The following DGKH variants were observed in gnomAD, a reference collection of about 807,000 sequenced individuals.
DGKH encodes DAG kinase eta.
In DGKH, 90 loss-of-function variants were observed where a neutral mutation model predicts 159.3. The ratio of observed to expected loss-of-function variants is 0.57; its 90% CI spans 0.48 to 0.67. The LOEUF is 0.67. Ranked by LOEUF, DGKH falls within the 30% of genes least tolerant of loss-of-function variation. DGKH has a pLI of 0.00. For synonymous variants in DGKH, 536 were observed against 553.8 expected, an observed-to-expected ratio of 0.97 and a Z score of 0.45; for missense variants, 1,181 against 1,506.1, an observed-to-expected ratio of 0.78 and a Z score of 3.57.
At position 42,190,428 on chromosome 13, in the gene DGKH, C is replaced by T. The variant is rs7324235; in HGVS notation, c.1938C>T (p.Pro646=). ...TTATGGATGACCCGACAGTTCACCC[C>T]TGTGAACCAGCTAATCAGTCCTCTG... The part of the protein sequence containing the change: ...GKVMDDPTVH[P]CEPANQSSDY... Residue 646 remains proline, a synonymous_variant, in exon 16 of 30, where the codon CCC becomes CCT. Coordinates refer to ENST00000337343, the MANE Select transcript of DGKH (RefSeq NM_178009.5). 2.5e-6 allele frequency: 4 copies of T among 1,608,968 alleles called. No homozygotes were observed. The highest frequency in any genetic ancestry group is 1.3e-5 in the African/African-American group (1 of 74,690).
intron 1 of DGKH, among the ~76,000 whole-genome samples, chr13:42,110,665 T>A (rs899028054): frequency 1.3e-4 from 19 of 151,958 alleles, no homozygotes; most frequent in Non-Finnish European, 1.2e-4. Context: ...CATTTACCAG[T>A]TACGGGAAGG....
chr13:42,040,833 G>A (rs551930235), intron 1 of DGKH, among the ~76,000 whole-genome samples: 35 of 146,766 alleles, frequency 2.4e-4, no homozygotes, highest in African/African-American at 8.3e-4. Context: ...CGGCGGCGGC[G>A]GGGACCCGGG....
rs189779766 is a variant in DGKH at position 42,233,613 on chromosome 13, C to G, written c.*4425C>G. The G allele has an allele frequency of 6.6e-6, 1 of 152,320 alleles. No individual in the cohort carries two copies. Among genetic ancestry groups the G allele is most frequent in the East Asian group, 1.9e-4 (1 of 5,188 alleles). 9.4% of individuals were successfully genotyped at this position (152,320 alleles called of 1,614,324 possible). A position where few individuals can be genotyped will look rare whatever the true frequency, so the allele number is the denominator to read the frequency against. The stretch of plus-strand genomic sequence containing the variant: ...ATTCCTAATTCTGGTTCTAGATGAG[C>G]CCTACCTACCCAGTGGTTGTATTTT... On this transcript the variant is annotated 3_prime_UTR_variant, in exon 30 of 30. Coordinates refer to ENST00000337343, the MANE Select transcript of DGKH (RefSeq NM_178009.5).
Position 42,176,101 on chromosome 13 carries a change from G to C in DGKH, c.1452+1957G>C, listed in dbSNP as rs147709893. Among the ~76,000 whole-genome samples the C allele has an allele frequency of 2.5e-3, 383 of 152,196 alleles. 2 individuals carry two copies. Among genetic ancestry groups the C allele is most frequent in the South Asian group, 0.011 (54 of 4,812 alleles). On this transcript the variant is annotated intron_variant, in intron 12 of 29. Coordinates refer to ENST00000337343, the MANE Select transcript of DGKH (RefSeq NM_178009.5). ...CTATAATTTTATCTTTGAACATAGA[G>C]GCTATTTTATTTTCCTCTGAGAGAA...
At chr13:42,244,783 A>G (rs1017500496), downstream of DGKH, among the ~76,000 whole-genome samples, 3 of 150,382 alleles carry the variant, frequency 2.0e-5, no homozygotes, top group South Asian at 4.2e-4. Context: ...GGGCGCCTGT[A>G]GTCCCAGCTA....
chr13:42,105,492 AT>A (rs142662195), intron 1 of DGKH, among the ~76,000 whole-genome samples: 2 of 152,060 alleles, frequency 1.3e-5, no homozygotes, highest in Non-Finnish European at 1.5e-5. Flanking sequence ...TGTATGTTTG[AT>A]TTTTTTTAAA....
chr13:42,072,606 C>T (rs1883043537), intron 1 of DGKH, among the ~76,000 whole-genome samples: 1 of 152,082 alleles, frequency 6.6e-6, no homozygotes, highest in African/African-American at 2.4e-5. Flanking sequence ...CAGTGGCTTC[C>T]CATTAGCTCT....
In DGKH at chr13:42,232,323, C is replaced by G. The variant is rs1333555605; in HGVS notation, c.*3135C>G. The G allele has an allele frequency of 6.6e-6, 1 of 152,252 alleles. No individual in the cohort carries two copies. Among genetic ancestry groups the G allele is most frequent in the Non-Finnish European group, 1.5e-5 (1 of 68,090 alleles). The allele number at this position is 152,252 out of a possible 1,614,324, so 9.4% of individuals were successfully genotyped here. A position where few individuals can be genotyped will look rare whatever the true frequency, so the allele number is the denominator to read the frequency against. ...TGGTGGGAGGGCAGGGAAGGGGAGG[C>G]CATCAGCCAGAATGTATTTTCTTTC... On this transcript the variant is annotated 3_prime_UTR_variant, in exon 30 of 30. Transcript: ENST00000337343.
Position 42,166,686 on chromosome 13 carries a change from T to C in DGKH, c.1118+12T>C. The C allele has an allele frequency of 1.3e-6, 2 of 1,561,202 alleles. No homozygotes were observed. Among genetic ancestry groups the C allele is most frequent in the Non-Finnish European group, 8.6e-7 (1 of 1,156,524 alleles). On this transcript the variant is annotated intron_variant, in intron 9 of 29. Coordinates refer to ENST00000337343, the MANE Select transcript of DGKH (RefSeq NM_178009.5). ...GGTCCTCATTTAGGGTAACTGATTATTGATAAATCTTATTTGAATACAATG... is the reference window on the plus strand; with the variant it reads ...GGTCCTCATTTAGGGTAACTGATTACTGATAAATCTTATTTGAATACAATG...
chr13:42,207,715 ATCAG>A (rs1957543938), intron 21 of DGKH, among the ~76,000 whole-genome samples: 2 of 147,724 alleles, frequency 1.4e-5, no homozygotes, highest in African/African-American at 2.5e-5. Context: ...ATATATATAT[ATCAG>A]TAAAAATGAG....
At chr13:42,086,524 A>G (rs920820016) in intron 1 of DGKH, among the ~76,000 whole-genome samples, 2 of 152,256 alleles carry the variant, frequency 1.3e-5, no homozygotes, top group African/African-American at 4.8e-5. Context: ...ATTTTTCTCA[A>G]GCAAACAACA....
intron 26 of DGKH, among the ~76,000 whole-genome samples, chr13:42,217,595 C>G (rs1016102241): frequency 7.1e-6 from 1 of 140,536 alleles, no homozygotes; most frequent in Non-Finnish European, 1.6e-5. Flanking sequence ...CTGTGAATAA[C>G]AAGGGGAAAC....
chr13:42,175,954 G>C (rs1242996125), intron 12 of DGKH, among the ~76,000 whole-genome samples: 1 of 152,152 alleles, frequency 6.6e-6, no homozygotes, highest in East Asian at 1.9e-4. Context: ...CAGGACAGAG[G>C]GGTAAATATA....
Position 42,221,393 on chromosome 13 carries a change from AG to A in DGKH, c.3573+1del. 1 of 1,613,368 alleles carries A rather than the reference AG, an allele frequency of 6.2e-7. No individual in the cohort carries two copies. On this transcript the variant is annotated frameshift_variant and splice_region_variant, in exon 29 of 30. Coordinates refer to ENST00000337343, the MANE Select transcript of DGKH (RefSeq NM_178009.5). LOFTEE classifies it low-confidence loss of function (END_TRUNC). ...ELLHLERRDL[K>X]DLGIPKVGHV... ...TTGCATCTGGAAAGGCGAGATCTTA[AG>A]GTATTTCCTTTGTGCTCTTCTGTTC...
chr13:42,112,284 C>CTTTTTTT (rs58307947), intron 1 of DGKH, among the ~76,000 whole-genome samples: 2 of 122,822 alleles, frequency 1.6e-5, no homozygotes, highest in African/African-American at 3.2e-5. Flanking sequence ...AGCCTTGTGG[C>CTTTTTTT]TTTTTTTTTT....
At position 42,193,269 on chromosome 13, in the gene DGKH, C is replaced by T. The variant is rs1957127186; in HGVS notation, c.2036-1616C>T. On this transcript the variant is annotated intron_variant, in intron 16 of 29. Transcript: ENST00000337343. ...AATGGTTTTCCAACCGGCTATCATC[C>T]CACCTTGCCATACTCTTAAACTTGA... Among the ~76,000 whole-genome samples the T allele has an allele frequency of 2.0e-5, 3 of 152,152 alleles. No homozygotes were observed. The South Asian group carries it at 6.2e-4, about 31-fold the overall frequency.
Position 42,155,334 on chromosome 13 carries a change from GA to G in DGKH, c.431del (p.Lys144ArgfsTer10). 6.2e-7 allele frequency: 1 copy of G among 1,612,868 alleles called. No homozygotes were observed. Among genetic ancestry groups the G allele is most frequent in the Non-Finnish European group, 8.5e-7 (1 of 1,179,746 alleles). On this transcript the variant is annotated frameshift_variant, in exon 4 of 30. Coordinates refer to ENST00000337343, the MANE Select transcript of DGKH (RefSeq NM_178009.5). LOFTEE classifies it high-confidence loss of function. ...AGGCTAATGCTGTGTGCTGAGAACA[GA>G]AAGGAGATGGAGGATTGGATCAGCT... ...FRRLMLCAEN[R>X]KEMEDWISSL...
intron 1 of DGKH, among the ~76,000 whole-genome samples, chr13:42,060,404 C>T (rs929927160): frequency 6.6e-6 from 1 of 152,170 alleles, no homozygotes; most frequent in Non-Finnish European, 1.5e-5. Context: ...GAGATCTGGG[C>T]CTCTAGTTCC....
intron 1 of DGKH, among the ~76,000 whole-genome samples, chr13:42,122,340 G>A (rs1307038719): frequency 2.6e-5 from 4 of 152,150 alleles, no homozygotes; most frequent in Admixed American, 2.0e-4. Context: ...AGTTCTGGAG[G>A]CTGGAAAGTC....
Sources: allele counts gnomAD v4.1 joint callset (sites outside exome capture counted in the v4.1 genomes callset), GRCh38; gene constraint gnomAD v4.1.1; transcripts MANE v1.5; gene names NCBI Gene and HGNC (gene_info 2026-07-23, HGNC 2026-07-21).